Variants in DIAPH3 observed in about 807,000 individuals in gnomAD.
The protein encoded by DIAPH3 is diaphanous related formin 3.
A neutral mutation model predicts 144.3 loss-of-function variants in DIAPH3; 117 were observed. The observed-to-expected ratio is 0.81, with a 90% CI of 0.70 to 0.95. The LOEUF is 0.95. Among genes scored for constraint, DIAPH3 ranks in the 40% least tolerant of loss-of-function variants. The pLI, the probability that DIAPH3 is intolerant of heterozygous loss-of-function variation, is 0.00. For synonymous variants in DIAPH3, 519 were observed against 488.9 expected (o/e 1.06, Z -0.81); for missense variants, 1,421 against 1,412.7 (o/e 1.01, Z -0.09).
chr13:60,086,663 T>C (rs766959836), intron 4 of DIAPH3, among the ~76,000 whole-genome samples: 12 of 152,196 alleles, frequency 7.9e-5, no homozygotes, highest in Non-Finnish European at 1.6e-4. Context: ...CTTCTAAGTT[T>C]CTAGTGGTTA....
chr13:60,050,474 G>T (rs1266876067), intron 4 of DIAPH3, among the ~76,000 whole-genome samples: 1 of 152,122 alleles, frequency 6.6e-6, no homozygotes, highest in Non-Finnish European at 1.5e-5. Flanking sequence ...GTTTTTGTAT[G>T]ATCTTGGGGC....
At chr13:59,905,216 G>A (rs2046660837) in intron 20 of DIAPH3, among the ~76,000 whole-genome samples, 1 of 151,390 alleles carries the variant, frequency 6.6e-6, no homozygotes, top group South Asian at 2.1e-4. Flanking sequence ...GGTGGCGGGC[G>A]CCTATAGTCC....
intron 24 of DIAPH3, among the ~76,000 whole-genome samples, chr13:59,813,990 A>G (rs1440125156): frequency 2.6e-5 from 4 of 152,146 alleles, no homozygotes; most frequent in African/African-American, 9.7e-5. Context: ...AGATGGGGTA[A>G]GAAGATAGGT....
At chr13:59,981,533 T>G (rs2051018382) in intron 13 of DIAPH3, among the ~76,000 whole-genome samples, 1 of 146,904 alleles carries the variant, frequency 6.8e-6, no homozygotes, top group African/African-American at 2.5e-5. Flanking sequence ...AAACTGAAAA[T>G]AACTTAAATG....
At chr13:59,808,187 T>C (rs1358908217) in intron 25 of DIAPH3, among the ~76,000 whole-genome samples, 1 of 151,500 alleles carries the variant, frequency 6.6e-6, no homozygotes, top group African/African-American at 2.4e-5. Flanking sequence ...AAATAAAAGT[T>C]TTATATATAT....
chr13:59,793,128 C>A (rs971003652), intron 25 of DIAPH3, among the ~76,000 whole-genome samples: 2 of 152,180 alleles, frequency 1.3e-5, no homozygotes, highest in Non-Finnish European at 2.9e-5. Context: ...CACCATCAAA[C>A]CTACAAATGT....
chr13:59,908,368 T>TC, intron 20 of DIAPH3, among the ~76,000 whole-genome samples: 1 of 10,550 alleles, frequency 9.5e-5, no homozygotes, highest in South Asian at 2.3e-3. Context: ...AGACTCTGTC[T>TC]CAAAAAAAAA....
At chr13:59,706,880 T>C (rs961280051) in intron 27 of DIAPH3, among the ~76,000 whole-genome samples, 4 of 152,214 alleles carry the variant, frequency 2.6e-5, no homozygotes, top group Non-Finnish European at 5.9e-5. Flanking sequence ...ATAGCCAAAT[T>C]GATTTCTTCA....
intron 27 of DIAPH3, among the ~76,000 whole-genome samples, chr13:59,739,905 T>C (rs889254363): frequency 3.3e-5 from 5 of 152,176 alleles, no homozygotes; most frequent in African/African-American, 1.2e-4. Flanking sequence ...AACTTGGATT[T>C]GCTGTGCACC....
chr13:59,944,162 G>A (rs534467057), intron 17 of DIAPH3, among the ~76,000 whole-genome samples: 23 of 151,920 alleles, frequency 1.5e-4, no homozygotes, highest in African/African-American at 5.6e-4. Flanking sequence ...TGCAGTGTGT[G>A]ATAATCATGT....
At chr13:60,078,787 T>C (rs2057455948) in intron 4 of DIAPH3, among the ~76,000 whole-genome samples, 1 of 151,992 alleles carries the variant, frequency 6.6e-6, no homozygotes, top group Non-Finnish European at 1.5e-5. Context: ...CAAATACATA[T>C]ATATTAGCTT....
intron 3 of DIAPH3, among the ~76,000 whole-genome samples, chr13:60,097,539 C>T (rs1014323492): frequency 2.0e-5 from 3 of 152,182 alleles, no homozygotes; most frequent in Non-Finnish European, 4.4e-5. Flanking sequence ...TCTTGTACAG[C>T]TTGCAGAACT....
intron 25 of DIAPH3, among the ~76,000 whole-genome samples, chr13:59,782,938 G>A (rs904872825): frequency 1.1e-4 from 16 of 152,188 alleles, no homozygotes; most frequent in Non-Finnish European, 2.4e-4. Context: ...GGGTAACGCT[G>A]CGAGGTGAAG....
chr13:60,097,629 C>T (rs1297654156), intron 3 of DIAPH3, among the ~76,000 whole-genome samples: 1 of 152,112 alleles, frequency 6.6e-6, no homozygotes, highest in Non-Finnish European at 1.5e-5. Context: ...ACTAAGACAA[C>T]AATACAAAAG....
intron 27 of DIAPH3, among the ~76,000 whole-genome samples, chr13:59,763,456 C>T (rs1310853573): frequency 6.6e-6 from 1 of 151,964 alleles, no homozygotes; most frequent in Non-Finnish European, 1.5e-5. Context: ...GCGGGAGAAT[C>T]ATTTGAACTC....
intron 27 of DIAPH3, among the ~76,000 whole-genome samples, chr13:59,759,343 A>G (rs1400722756): frequency 6.6e-6 from 1 of 152,166 alleles, no homozygotes; most frequent in Non-Finnish European, 1.5e-5. Flanking sequence ...TATCAGCAGG[A>G]TATGAAAACT....
intron 27 of DIAPH3, among the ~76,000 whole-genome samples, chr13:59,669,622 C>T (rs2032241010): frequency 6.6e-6 from 1 of 152,100 alleles, no homozygotes; most frequent in Admixed American, 6.6e-5. Flanking sequence ...AAGGACATCC[C>T]TCTGGCTGCT....
intron 27 of DIAPH3, among the ~76,000 whole-genome samples, chr13:59,677,626 C>T (rs2032715276): frequency 6.6e-6 from 1 of 152,068 alleles, no homozygotes; most frequent in African/African-American, 2.4e-5. Flanking sequence ...AGAGCCACAC[C>T]TGGCTATTGT....
chr13:59,991,953 A>C (rs931817925), intron 11 of DIAPH3, 115 bp downstream of exon 11: 9 of 819,564 alleles, frequency 1.1e-5, no homozygotes, highest in Non-Finnish European at 1.9e-5. Context: ...CTGATGCATG[A>C]AGGTTTGATT....
Sources: allele counts gnomAD v4.1 joint callset (sites outside exome capture counted in the v4.1 genomes callset), GRCh38; gene constraint gnomAD v4.1.1; transcripts MANE v1.5; gene names NCBI Gene and HGNC (gene_info 2026-07-23, HGNC 2026-07-21).